Variants in RBFOX3 observed in about 807,000 individuals in gnomAD.
RBFOX3 encodes RNA binding protein fox-1 homolog 3.
RBFOX3 carries 17 observed loss-of-function variants against 48.7 expected under a neutral mutation model. The observed-to-expected ratio is 0.35, with a 90% confidence interval of 0.24 to 0.52. The LOEUF is 0.52. RBFOX3 is among the 20% of genes least tolerant of loss of function. The probability of loss-of-function intolerance (pLI) is 0.94; values close to 1 mark genes in which losing one functional copy is unlikely to be tolerated. For synonymous variants in RBFOX3, 212 were observed against 209.5 expected (o/e 1.01, Z -0.10); for missense variants, 382 against 497.5 (o/e 0.77, Z 2.21).
chr17:79,128,067 A>G (rs1391007373), intron 4 of RBFOX3, among the ~76,000 whole-genome samples: 2 of 152,262 alleles, frequency 1.3e-5, no homozygotes, highest in Admixed American at 6.5e-5. Flanking sequence ...GTCTGGGCAC[A>G]GCAGCGGGTA....
intron 2 of RBFOX3, among the ~76,000 whole-genome samples, chr17:79,464,623 C>A (rs1386301915): frequency 6.6e-6 from 1 of 152,338 alleles, no homozygotes; most frequent in East Asian, 1.9e-4. Flanking sequence ...AGTGAGCAAA[C>A]AAACAAACTG....
intron 2 of RBFOX3, among the ~76,000 whole-genome samples, chr17:79,344,269 T>C (rs1386091514): frequency 1.3e-5 from 2 of 152,144 alleles, no homozygotes; most frequent in Middle Eastern, 3.2e-3. Flanking sequence ...AATTCCTTGA[T>C]TTGGGGGAAA....
chr17:79,483,230 C>T (rs923065388), intron 1 of RBFOX3, among the ~76,000 whole-genome samples: 101 of 152,018 alleles, frequency 6.6e-4, no homozygotes, highest in East Asian at 2.5e-3. Context: ...GGGGGCCGTG[C>T]GCTCATAGAC....
intron 1 of RBFOX3, among the ~76,000 whole-genome samples, chr17:79,544,637 C>T (rs574300315): frequency 1.4e-4 from 21 of 152,162 alleles, no homozygotes; most frequent in African/African-American, 4.6e-4. Context: ...ACCTGCCCCA[C>T]CACAACCACC....
chr17:79,184,007 T>TCCG (rs1304211078), intron 4 of RBFOX3, among the ~76,000 whole-genome samples: 4 of 152,204 alleles, frequency 2.6e-5, no homozygotes, highest in Non-Finnish European at 2.9e-5. Flanking sequence ...GAGGAGCCGC[T>TCCG]CCGCCGGCTC....
At chr17:79,435,159 C>T (rs182552710) in intron 2 of RBFOX3, among the ~76,000 whole-genome samples, 167 of 152,266 alleles carry the variant, frequency 1.1e-3, no homozygotes, top group East Asian at 8.1e-3. Flanking sequence ...CCCCCACCTC[C>T]GCAGGGTGGA....
chr17:79,315,388 T>A (rs2077396990), intron 2 of RBFOX3, among the ~76,000 whole-genome samples: 1 of 152,050 alleles, frequency 6.6e-6, no homozygotes, highest in African/African-American at 2.4e-5. Flanking sequence ...AAGTGCTGGA[T>A]GCAGAGGCGG....
intron 2 of RBFOX3, among the ~76,000 whole-genome samples, chr17:79,412,675 G>T (rs1287751919): frequency 6.6e-6 from 1 of 151,398 alleles, no homozygotes; most frequent in African/African-American, 2.4e-5. Flanking sequence ...TGAGTGTATG[G>T]TATATGTGTA....
At chr17:79,281,467 G>A (rs2070479340) in intron 3 of RBFOX3, among the ~76,000 whole-genome samples, 4 of 151,892 alleles carry the variant, frequency 2.6e-5, no homozygotes, top group East Asian at 1.9e-4. Flanking sequence ...CTATCCAGAC[G>A]CCTTGGGGCT....
At chr17:79,092,318 G>T (rs1185006978) in intron 14 of RBFOX3, 3 of 985,410 alleles carry the variant, frequency 3.0e-6, no homozygotes, top group Non-Finnish European at 1.2e-6. Context: ...GCAATGGCTT[G>T]GGTAGTACAA....
At chr17:79,257,769 C>T (rs923217832) in intron 3 of RBFOX3, among the ~76,000 whole-genome samples, 2 of 151,962 alleles carry the variant, frequency 1.3e-5, no homozygotes, top group African/African-American at 2.4e-5. Context: ...TTAGTAGAGA[C>T]GGGGTTTCAC....
intron 2 of RBFOX3, among the ~76,000 whole-genome samples, chr17:79,455,148 A>C (rs572932692): frequency 2.0e-5 from 3 of 152,324 alleles, no homozygotes; most frequent in South Asian, 2.1e-4. Context: ...TGGGATGTAC[A>C]TGGGCCCCAC....
intron 13 of RBFOX3, among the ~76,000 whole-genome samples, chr17:79,094,905 A>AAG (rs1234481394): frequency 3.9e-5 from 6 of 152,002 alleles, no homozygotes; most frequent in African/African-American, 1.2e-4. Context: ...GTTTCAAGAG[A>AAG]AGAGAGAGGG....
chr17:79,398,560 G>A (rs968936449), intron 2 of RBFOX3, among the ~76,000 whole-genome samples: 2 of 152,168 alleles, frequency 1.3e-5, no homozygotes, highest in Non-Finnish European at 2.9e-5. Context: ...CATCGTAACT[G>A]AGGGAGGGGC....
At position 79,242,991 on chromosome 17, in the gene RBFOX3, C is replaced by T. The variant is rs2062612279; in HGVS notation, c.-73-7186G>A. On this transcript the variant is annotated intron_variant, in intron 3 of 14. Coordinates refer to ENST00000693108, the MANE Select transcript of RBFOX3 (RefSeq NM_001350451.2). This position sits in a 1 kb window ranked among gnomAD's most constrained non-coding sequence, Gnocchi z 5.8. ...GGGCCCCGTGACAGCAGCATGCATG[C>T]CTAGCACTTGCTGAATGTATGCCAG... is the stretch of plus-strand genomic sequence containing the variant. Among the ~76,000 whole-genome samples the T allele has an allele frequency of 1.3e-5, 2 of 152,164 alleles. No individual in the cohort carries two copies. The highest frequency in any genetic ancestry group is 2.9e-5 in the Non-Finnish European group (2 of 68,022).
At chr17:79,556,613 G>A (rs983638644) in intron 1 of RBFOX3, among the ~76,000 whole-genome samples, 64 of 152,256 alleles carry the variant, frequency 4.2e-4, no homozygotes, top group African/African-American at 1.5e-3. Flanking sequence ...TGAAATTAAC[G>A]GCTACTTAAA....
chr17:79,284,998 C>G (rs553642070), intron 3 of RBFOX3, among the ~76,000 whole-genome samples: 2 of 152,298 alleles, frequency 1.3e-5, no homozygotes, highest in African/African-American at 2.4e-5. Flanking sequence ...GATTCAAAAG[C>G]TTGTGTGGAT....
At chr17:79,650,819 C>T in the RBFOX3 span, among the ~76,000 whole-genome samples, 1 of 152,186 alleles carries the variant, frequency 6.6e-6, no homozygotes, top group Non-Finnish European at 1.5e-5. Flanking sequence ...CCCACCAGTC[C>T]CCGGCATCTC....
At chr17:79,401,960 G>A (rs948143369) in intron 2 of RBFOX3, among the ~76,000 whole-genome samples, 18 of 152,250 alleles carry the variant, frequency 1.2e-4, no homozygotes, top group African/African-American at 2.7e-4. Context: ...CACAGGAACC[G>A]CATACGGCTC....
Sources: allele counts gnomAD v4.1 joint callset (sites outside exome capture counted in the v4.1 genomes callset), GRCh38; gene constraint gnomAD v4.1.1; non-coding constraint Gnocchi (gnomAD v3.1); transcripts MANE v1.5; gene names NCBI Gene and HGNC (gene_info 2026-07-23, HGNC 2026-07-21).